SLIT3: variants seen among roughly 807,000 people sequenced by gnomAD.
SLIT3 encodes the protein slit guidance ligand 3, also known as slit homolog 3 protein.
A neutral mutation model predicts 184.0 loss-of-function variants in SLIT3; 68 were observed. The observed-to-expected ratio is 0.37, with a 90% CI of 0.30 to 0.45. The LOEUF (loss-of-function observed/expected upper bound fraction) is 0.45, where lower values mean the gene tolerates loss of function less well. Among genes scored for constraint, SLIT3 ranks in the 20% least tolerant of loss-of-function variants. The pLI, the probability that SLIT3 is intolerant of heterozygous loss-of-function variation, is 1.00. For synonymous variants in SLIT3, 831 were observed against 828.6 expected (o/e 1.00, Z -0.05); for missense variants, 1,707 against 2,026.0 (o/e 0.84, Z 3.02).
At position 168,944,983 on chromosome 5, in the gene SLIT3, A is replaced by G. The variant is rs186022540; in HGVS notation, c.414-61647T>C. On this transcript the variant is annotated intron_variant, in intron 4 of 35. Transcript: ENST00000519560. ...AATAGAGATGAGTATCAGGACCCCA[A>G]CTGGGACTGACCTGTGACACCCGAG... 4.4e-3 allele frequency among the ~76,000 whole-genome samples: 668 copies of G among 152,234 alleles called. 4 individuals carry two copies. The highest frequency in any genetic ancestry group is 8.1e-3 in the Non-Finnish European group (550 of 68,014).
chr5:169,257,329 A>G (rs957887346), intron 1 of SLIT3, among the ~76,000 whole-genome samples: 1 of 151,730 alleles, frequency 6.6e-6, no homozygotes, highest in Non-Finnish European at 1.5e-5. Context: ...TGACTGCATG[A>G]AACAGAGGCC....
chr5:168,943,655 A>G (rs1479928291), intron 4 of SLIT3, among the ~76,000 whole-genome samples: 1 of 152,224 alleles, frequency 6.6e-6, no homozygotes, highest in Admixed American at 6.5e-5. Flanking sequence ...TTGTAAAGCT[A>G]GGAAGCATTA....
At chr5:168,846,717 A>G (rs1477588355) in intron 5 of SLIT3, among the ~76,000 whole-genome samples, 2 of 152,174 alleles carry the variant, frequency 1.3e-5, no homozygotes, top group Non-Finnish European at 2.9e-5. Context: ...TTTGTGGTGC[A>G]TTGGTTTTCG....
intron 5 of SLIT3, among the ~76,000 whole-genome samples, chr5:168,855,567 C>G (rs1005931819): frequency 6.6e-6 from 1 of 152,130 alleles, no homozygotes; most frequent in African/African-American, 2.4e-5. Flanking sequence ...CTGATGTATG[C>G]GGCAACATGG....
At chr5:168,758,167 A>G (rs2113493175) in intron 16 of SLIT3, among the ~76,000 whole-genome samples, 1 of 151,814 alleles carries the variant, frequency 6.6e-6, no homozygotes, top group East Asian at 1.9e-4. Flanking sequence ...AGACCTCACC[A>G]CTCCCTTTTG....
chr5:169,211,704 T>C (rs1764269847), intron 3 of SLIT3, among the ~76,000 whole-genome samples: 1 of 152,176 alleles, frequency 6.6e-6, no homozygotes, highest in Non-Finnish European at 1.5e-5. Flanking sequence ...TTTTGTTACA[T>C]AGGTATACAC....
intron 4 of SLIT3, among the ~76,000 whole-genome samples, chr5:168,947,261 AC>A (rs2113226449): frequency 6.6e-6 from 1 of 152,288 alleles, no homozygotes; most frequent in African/African-American, 2.4e-5. Flanking sequence ...TCTGCTGGGG[AC>A]TTTTCTGGGG....
At chr5:168,744,894 GA>G (rs1259678107) in intron 20 of SLIT3, among the ~76,000 whole-genome samples, 6 of 152,162 alleles carry the variant, frequency 3.9e-5, no homozygotes, top group African/African-American at 1.4e-4. Context: ...ATGGATCAAG[GA>G]GTAATTTCAA....
In SLIT3 at chr5:168,754,392, A is replaced by C. The variant is rs541848419; in HGVS notation, c.1686-385T>G. Among the ~76,000 whole-genome samples the C allele has an allele frequency of 5.3e-5, 8 of 152,310 alleles. 1 individual carries two copies. In the South Asian group the frequency reaches 1.7e-3, roughly 32 times the overall value. ...TAAGTGAAATGAGCCAGGCACAGCA[A>C]GGCAAATATCATACGCTCCTACTCA... On this transcript the variant is annotated intron_variant, in intron 16 of 35. Transcript: ENST00000519560.
At chr5:168,722,451 A>G (rs1293833745) in intron 22 of SLIT3, 124 bp from the exon 23 acceptor site, 3 of 822,260 alleles carry the variant, frequency 3.6e-6, no homozygotes, top group Non-Finnish European at 6.0e-6. Flanking sequence ...TTGACAGAAC[A>G]TCCCCTAAAG....
chr5:168,890,062 C>T (rs949079838), intron 4 of SLIT3, among the ~76,000 whole-genome samples: 3 of 151,288 alleles, frequency 2.0e-5, no homozygotes, highest in Non-Finnish European at 2.9e-5. Flanking sequence ...ATGGCTTGAA[C>T]CCGGGAGCGG....
chr5:169,294,620 C>A (rs765193633), intron 1 of SLIT3, among the ~76,000 whole-genome samples: 1 of 152,212 alleles, frequency 6.6e-6, no homozygotes, highest in Non-Finnish European at 1.5e-5. Flanking sequence ...AAGGTAATAG[C>A]CATGGCCACT....
At chr5:168,844,210 C>A (rs540798702) in intron 6 of SLIT3, among the ~76,000 whole-genome samples, 1 of 152,146 alleles carries the variant, frequency 6.6e-6, no homozygotes, top group Non-Finnish European at 1.5e-5. Flanking sequence ...CCAGTGTGCC[C>A]GCACTCAAAC....
chr5:168,959,078 G>A (rs1262454688), intron 4 of SLIT3, among the ~76,000 whole-genome samples: 1 of 152,238 alleles, frequency 6.6e-6, no homozygotes, highest in East Asian at 1.9e-4. Context: ...AGTCAATCTG[G>A]GCTGAGATTT....
chr5:168,843,261 C>T (rs765026884), intron 6 of SLIT3, among the ~76,000 whole-genome samples: 2 of 152,084 alleles, frequency 1.3e-5, no homozygotes, highest in Non-Finnish European at 2.9e-5. Context: ...CTCTCCAACC[C>T]GTTGCTAGTA....
rs1290316056 is a variant in SLIT3, at chr5:169,300,889, C to CGGT, written c.-181_-180insACC. On this transcript the variant is annotated 5_prime_UTR_variant, in exon 1 of 36. Transcript: ENST00000519560. This position sits in a 1 kb window ranked among gnomAD's most constrained non-coding sequence, Gnocchi z 4.1. The stretch of plus-strand genomic sequence containing the variant: ...GGGCGGAGCGGGGCGCTCCGGGCGG[C>CGGT]GGCGGCGGCAGCAACAGCAGCTCCA... 1 of 379,582 alleles carries CGGT rather than the reference C, an allele frequency of 2.6e-6. No individual in the cohort carries two copies. The highest frequency in any genetic ancestry group is 2.2e-5 in the African/African-American group (1 of 46,364). 23.5% of individuals were successfully genotyped at this position (379,582 alleles called of 1,614,324 possible). A position where few individuals can be genotyped will look rare whatever the true frequency, so the allele number is the denominator to read the frequency against.
chr5:168,926,445 C>A (rs1259868762), intron 4 of SLIT3, among the ~76,000 whole-genome samples: 1 of 152,146 alleles, frequency 6.6e-6, no homozygotes, highest in Non-Finnish European at 1.5e-5. Context: ...TTCAGATAAC[C>A]ATCACCACTG....
chr5:168,836,900 T>G (rs538467922), intron 6 of SLIT3, among the ~76,000 whole-genome samples: 1 of 152,270 alleles, frequency 6.6e-6, no homozygotes, highest in African/African-American at 2.4e-5. Flanking sequence ...AAACCACAAG[T>G]TTCCCGCAGA....
At chr5:169,249,944 C>CA (rs1338981568) in intron 2 of SLIT3, among the ~76,000 whole-genome samples, 1 of 152,232 alleles carries the variant, frequency 6.6e-6, no homozygotes, top group Non-Finnish European at 1.5e-5. Context: ...CCCATGTCCC[C>CA]ACACATGTGT....
Sources: gnomAD v4.1 joint callset for allele counts (sites outside exome capture counted in the v4.1 genomes callset) on GRCh38, gnomAD v4.1.1 for gene constraint, Gnocchi (gnomAD v3.1) non-coding constraint, MANE v1.5 for transcripts, NCBI Gene and HGNC (gene_info 2026-07-23, HGNC 2026-07-21) for gene names.